KCNK9: variants seen among roughly 807,000 people sequenced by gnomAD.
KCNK9 encodes potassium two pore domain channel subfamily K member 9, also known as potassium channel subfamily K member 9.
Under a neutral mutation model 10.8 loss-of-function variants are expected in KCNK9, and 1 was observed. That is an observed-to-expected ratio of 0.09 (90% CI 0.03 to 0.44). The LOEUF (loss-of-function observed/expected upper bound fraction) is 0.44. Ranked by LOEUF, KCNK9 falls within the 20% of genes least tolerant of loss-of-function variation. The pLI is 0.97. For missense variants in KCNK9, 303 were observed against 515.0 expected (o/e 0.59, Z 3.98); for synonymous variants, 231 against 222.7 (o/e 1.04, Z -0.33).
At chr8:139,641,245 C>T (rs1563730278) in intron 1 of KCNK9, among the ~76,000 whole-genome samples, 1 of 152,172 alleles carries the variant, frequency 6.6e-6, no homozygotes. Context: ...TCATTCATAC[C>T]TTGCAGCTGC....
chr8:139,617,588 T>A lies in KCNK9; in HGVS notation c.*670A>T, dbSNP rs1814638098. On this transcript the variant is annotated 3_prime_UTR_variant, in exon 2 of 2. Coordinates refer to ENST00000520439, the MANE Select transcript of KCNK9 (RefSeq NM_001282534.2). ...ATTTAGAAAATATGGCCATGACACATCAGGGATAAGAACTGCTTAATGAAA... is the reference window on the plus strand; with the variant it reads ...ATTTAGAAAATATGGCCATGACACAACAGGGATAAGAACTGCTTAATGAAA... Among the ~76,000 whole-genome samples, 2 of 152,086 alleles carry A rather than the reference T, an allele frequency of 1.3e-5. No individual in the cohort carries two copies. The highest frequency in any genetic ancestry group is 1.3e-4 in the Admixed American group (2 of 15,272).
intron 2 of KCNK9, among the ~76,000 whole-genome samples, chr8:139,605,988 A>G (rs551946706): frequency 6.6e-6 from 1 of 152,332 alleles, no homozygotes; most frequent in African/African-American, 2.4e-5. Flanking sequence ...AGGCCAGAGA[A>G]GATGAACAAA....
chr8:139,673,784 T>C (rs568250677), intron 1 of KCNK9, among the ~76,000 whole-genome samples: 1 of 152,202 alleles, frequency 6.6e-6, no homozygotes, highest in Non-Finnish European at 1.5e-5. Flanking sequence ...CTCAGGGTGC[T>C]CTTGGATACC....
intron 1 of KCNK9, among the ~76,000 whole-genome samples, chr8:139,636,077 T>C (rs982979567): frequency 6.6e-6 from 1 of 152,236 alleles, no homozygotes; most frequent in Admixed American, 6.5e-5. Flanking sequence ...TCATTCCATG[T>C]ACAAAGACCA....
chr8:139,661,493 C>T (rs1046559787), intron 1 of KCNK9, among the ~76,000 whole-genome samples: 5 of 152,214 alleles, frequency 3.3e-5, no homozygotes, highest in African/African-American at 7.2e-5. Flanking sequence ...GGCTTGCCCT[C>T]GTCACAGCCC....
chr8:139,698,791 GCTGT>G (rs1249630982), intron 1 of KCNK9, among the ~76,000 whole-genome samples: 2 of 152,234 alleles, frequency 1.3e-5, no homozygotes, highest in Non-Finnish European at 2.9e-5. Context: ...AATGGAAAAT[GCTGT>G]CTGTTTCACG....
intron 1 of KCNK9, among the ~76,000 whole-genome samples, chr8:139,653,605 G>A (rs1388619692): frequency 1.3e-5 from 2 of 151,880 alleles, no homozygotes; most frequent in African/African-American, 4.8e-5. Flanking sequence ...AGCAGGTCCA[G>A]CCCCACCCCT....
chr8:139,632,900 A>G (rs1410064476), intron 1 of KCNK9, among the ~76,000 whole-genome samples: 1 of 152,204 alleles, frequency 6.6e-6, no homozygotes, highest in Non-Finnish European at 1.5e-5. Flanking sequence ...ATGATTCTGT[A>G]CAAGCACAGA....
chr8:139,627,292 A>G (rs768614349), intron 1 of KCNK9, among the ~76,000 whole-genome samples: 1 of 152,134 alleles, frequency 6.6e-6, no homozygotes, highest in African/African-American at 2.4e-5. Flanking sequence ...GCAATATAAC[A>G]CAACCCCTAT....
intron 1 of KCNK9, among the ~76,000 whole-genome samples, chr8:139,681,711 C>T (rs1229787946): frequency 6.6e-6 from 1 of 152,216 alleles, no homozygotes; most frequent in East Asian, 1.9e-4. Flanking sequence ...GGGGCCAGCT[C>T]CCTGGGGAGG....
chr8:139,646,513 A>G lies in KCNK9; in HGVS notation c.284-27414T>C, dbSNP rs139812336. ...CTCTATCTTGGACTTGACCCGAGCA[A>G]TACTTTTCATCAATGACTTGGAATA... is the stretch of plus-strand genomic sequence containing the variant. On this transcript the variant is annotated intron_variant, in intron 1 of 1. Transcript: ENST00000520439. Among the ~76,000 whole-genome samples the G allele has an allele frequency of 1.7e-3, 264 of 152,334 alleles. 1 individual carries two copies. The highest frequency in any genetic ancestry group is 5.8e-3 in the African/African-American group (243 of 41,588).
intron 1 of KCNK9, among the ~76,000 whole-genome samples, chr8:139,652,537 C>T (rs992965791): frequency 4.6e-5 from 7 of 152,182 alleles, no homozygotes; most frequent in African/African-American, 1.7e-4. Flanking sequence ...AGCAGAGGGG[C>T]CTTCCACCCA....
intron 1 of KCNK9, among the ~76,000 whole-genome samples, chr8:139,637,181 G>A (rs1815363458): frequency 2.0e-5 from 3 of 152,222 alleles, no homozygotes; most frequent in African/African-American, 7.2e-5. Flanking sequence ...CTGACCTTGA[G>A]ACTGTGCCCA....
intron 1 of KCNK9, among the ~76,000 whole-genome samples, chr8:139,687,384 GAA>G (rs532867949): frequency 0.011 from 1,019 of 89,968 alleles, 89 homozygotes; most frequent in African/African-American, 0.038. Flanking sequence ...ACATATATAT[GAA>G]TATATATGTG....
chr8:139,694,263 C>G (rs1395076992), intron 1 of KCNK9, among the ~76,000 whole-genome samples: 1 of 152,168 alleles, frequency 6.6e-6, no homozygotes, highest in Non-Finnish European at 1.5e-5. Flanking sequence ...CTAATGAGCA[C>G]GCCCAAATGA....
At chr8:139,666,711 A>G (rs1281769100) in intron 1 of KCNK9, among the ~76,000 whole-genome samples, 1 of 152,270 alleles carries the variant, frequency 6.6e-6, no homozygotes, top group African/African-American at 2.4e-5. Flanking sequence ...GCTTGGCTGC[A>G]TGGAAAGCTC....
intron 1 of KCNK9, among the ~76,000 whole-genome samples, chr8:139,625,391 C>T (rs991504549): frequency 6.6e-6 from 1 of 152,246 alleles, no homozygotes; most frequent in African/African-American, 2.4e-5. Context: ...GCCTGGGTCA[C>T]CTTGGGCCAG....
At position 139,662,866 on chromosome 8, in the gene KCNK9, T is replaced by A. The variant is rs918187; in HGVS notation, c.283+39844A>T. Among the ~76,000 whole-genome samples the A allele has an allele frequency of 1.6e-4, 14 of 88,204 alleles. No individual in the cohort carries two copies. The South Asian group carries it at 4.5e-3, about 28-fold the overall frequency. The allele number at this position is 88,204 out of a possible 152,430, so 57.9% of individuals were successfully genotyped here. ...GGGGAGAAGGGAGGAAGGGGAGGGG[T>A]GGGGGAAGGGGGGGGGGCTGGAGGA... On this transcript the variant is annotated intron_variant, in intron 1 of 1. Coordinates refer to ENST00000520439, the MANE Select transcript of KCNK9 (RefSeq NM_001282534.2).
intron 1 of KCNK9, among the ~76,000 whole-genome samples, chr8:139,661,637 C>T (rs114852165): frequency 1.5e-4 from 23 of 152,318 alleles, no homozygotes; most frequent in Non-Finnish European, 2.5e-4. Flanking sequence ...CCCAGGCTGA[C>T]GGCCCAGCTC....
Sources: allele counts gnomAD v4.1 joint callset (sites outside exome capture counted in the v4.1 genomes callset), GRCh38; gene constraint gnomAD v4.1.1; transcripts MANE v1.5; gene names NCBI Gene and HGNC (gene_info 2026-07-23, HGNC 2026-07-21).